Variants in TMEM70 observed in about 807,000 individuals in gnomAD.
The protein encoded by TMEM70 is transmembrane protein 70.
A neutral mutation model predicts 20.5 loss-of-function variants in TMEM70; 15 were observed. The ratio of observed to expected loss-of-function variants is 0.73; its 90% CI spans 0.49 to 1.13. The LOEUF is 1.13. Among genes scored for constraint, TMEM70 ranks in the 50% most tolerant of loss-of-function variants. TMEM70 has a pLI of 0.00. For synonymous variants in TMEM70, 141 were observed against 134.2 expected (o/e 1.05, Z -0.35); for missense variants, 344 against 331.7 (o/e 1.04, Z -0.29).
intron 1 of TMEM70, among the ~76,000 whole-genome samples, chr8:73,978,500 G>A (rs1815707788): frequency 6.9e-6 from 1 of 145,050 alleles, no homozygotes; most frequent in Non-Finnish European, 1.5e-5. Context: ...GACCAGTCTG[G>A]CCAACATGGT....
At chr8:73,978,400 A>G (rs1036838870) in intron 1 of TMEM70, among the ~76,000 whole-genome samples, 4 of 150,568 alleles carry the variant, frequency 2.7e-5, no homozygotes, top group Non-Finnish European at 5.9e-5. Context: ...AATTTTAAAA[A>G]TAAACTTAAG....
rs778710306 is a variant in TMEM70, at chr8:73,976,219, G to A, written c.-63G>A. ...CACTTGTGCGGCAGTCGGGTGGGAA[G>A]CCGTGTCTCGCAGTCGTGGACTCGT... is the stretch of plus-strand genomic sequence containing the variant. On this transcript the variant is annotated 5_prime_UTR_variant, in exon 1 of 3. Coordinates refer to ENST00000312184, the MANE Select transcript of TMEM70 (RefSeq NM_017866.6). The A allele has an allele frequency of 6.8e-6, 10 of 1,472,022 alleles. No homozygotes were observed. The East Asian group carries it at 1.4e-4, about 21-fold the overall frequency. The allele number at this position is 1,472,022 out of a possible 1,614,324, so 91.2% of individuals were successfully genotyped here.
At chr8:73,976,513 G>A in intron 1 of TMEM70, 22 bp downstream of exon 1, 1 of 1,500,456 alleles carries the variant, frequency 6.7e-7, no homozygotes, top group Non-Finnish European at 8.9e-7. Context: ...GAGGTCTGGT[G>A]TCCCAAGTGA....
rs1468572413 is a variant in TMEM70 at position 73,981,541 on chromosome 8, C to T, written c.703C>T (p.Leu235=). 1.2e-6 allele frequency: 2 copies of T among 1,613,790 alleles called. No homozygotes were observed. The highest frequency in any genetic ancestry group is 1.7e-6 in the Non-Finnish European group (2 of 1,179,860). ...TCCAAACCGTGAAGACTATATCCAT[C>T]TAATGGGTTATGACAAAGAAGAATT... ...LFPNREDYIH[L]MGYDKEEFIL... Residue 235 remains leucine (L), a synonymous_variant, in exon 3 of 3, where the codon CTA becomes TTA. Coordinates refer to ENST00000312184, the MANE Select transcript of TMEM70 (RefSeq NM_017866.6).
chr8:73,976,577 G>A (rs1815654499), intron 1 of TMEM70, 86 bp downstream of exon 1: 3 of 1,314,708 alleles, frequency 2.3e-6, no homozygotes, highest in Non-Finnish European at 3.0e-6. Context: ...GGCTCTTCGC[G>A]ACCTCTCCCA....
chr8:73,978,585 G>C (rs1022128445), intron 1 of TMEM70, among the ~76,000 whole-genome samples, 171 bp from the exon 2 acceptor site: 1 of 151,560 alleles, frequency 6.6e-6, no homozygotes, highest in Non-Finnish European at 1.5e-5. Flanking sequence ...AGCTACTCAG[G>C]AGACTGAGGC....
intron 2 of TMEM70, 128 bp downstream of exon 2, chr8:73,978,989 AT>A (rs1265367537): frequency 9.3e-5 from 111 of 1,193,166 alleles, no homozygotes; most frequent in Non-Finnish European, 1.1e-4. Flanking sequence ...TTAGATTTTC[AT>A]TTTTTTTTCT....
In TMEM70 at chr8:73,976,383, C is replaced by A; in HGVS notation, c.102C>A (p.Ala34=). The change falls in exon 1 of 3, where the codon GCC becomes GCA. Residue 34 remains alanine, a synonymous_variant. Coordinates refer to ENST00000312184, the MANE Select transcript of TMEM70 (RefSeq NM_017866.6). ...CCGCCGCGCTCCGAGGTCCCCGGGCCTCTGTCTCCCGGGCGTCCTCCAGCA... is the reference window on the plus strand; with the variant it reads ...CCGCCGCGCTCCGAGGTCCCCGGGCATCTGTCTCCCGGGCGTCCTCCAGCA... ...CAAAALRGPR[A]SVSRASSSSG... is the part of the protein sequence containing the mutation. The A allele has an allele frequency of 6.3e-7, 1 of 1,594,706 alleles. No individual in the cohort carries two copies. Among genetic ancestry groups the A allele is most frequent in the South Asian group, 1.1e-5 (1 of 89,988 alleles).
intron 1 of TMEM70, 155 bp from the exon 2 acceptor site, chr8:73,978,601 A>G (rs1815710986): frequency 5.8e-6 from 4 of 684,406 alleles, no homozygotes; most frequent in South Asian, 3.6e-5. Flanking sequence ...GAGGCAGGAG[A>G]ATTGCTTGAA....
intron 2 of TMEM70, 181 bp downstream of exon 2, chr8:73,979,042 A>ATTTT: frequency 1.3e-6 from 1 of 766,614 alleles, no homozygotes; most frequent in African/African-American, 1.8e-5. Flanking sequence ...GCATTTTTAG[A>ATTTT]TTTTTATTTG....
rs1024317266 is a variant in TMEM70, at chr8:73,978,744, C to T, written c.211-12C>T. On this transcript the variant is annotated splice_polypyrimidine_tract_variant and intron_variant, in intron 1 of 2. Transcript: ENST00000312184. The stretch of plus-strand genomic sequence containing the variant: ...GAAGGTTAGTTGACCATAATGATCC[C>T]TGTTTCAATAGATCCCTGTTTATTG... The T allele has an allele frequency of 3.7e-6, 6 of 1,613,588 alleles. No individual in the cohort carries two copies. Among genetic ancestry groups the T allele is most frequent in the East Asian group, 2.2e-5 (1 of 44,830 alleles).
At chr8:73,980,374 GT>G (rs1388211351) in intron 2 of TMEM70, among the ~76,000 whole-genome samples, 64 of 145,352 alleles carry the variant, frequency 4.4e-4, no homozygotes, top group African/African-American at 6.2e-4. Flanking sequence ...ATATGTTTCT[GT>G]TTTTTTTTTT....
Position 73,982,663 on chromosome 8 carries a change from A to G in TMEM70, c.*1042A>G. The stretch of plus-strand genomic sequence containing the variant: ...TACAGTTGAACTGGTGGTTAGCTAT[A>G]CGGGAAATGGTAAGTAGTGTTGTCT... On this transcript the variant is annotated 3_prime_UTR_variant, in exon 3 of 3. Coordinates refer to ENST00000312184, the MANE Select transcript of TMEM70 (RefSeq NM_017866.6). The G allele has an allele frequency of 2.2e-6, 1 of 464,534 alleles. No individual in the cohort carries two copies. The allele number at this position is 464,534 out of a possible 1,614,324, so 28.8% of individuals were successfully genotyped here. A position where few individuals can be genotyped will look rare whatever the true frequency, so the allele number is the denominator to read the frequency against.
rs746272027 is a variant in TMEM70 at position 73,981,597 on chromosome 8, G to A, written c.759G>A (p.Glu253=). 8.7e-6 allele frequency: 14 copies of A among 1,609,456 alleles called. No homozygotes were observed. The highest frequency in any genetic ancestry group is 1.1e-5 in the Non-Finnish European group (13 of 1,177,736). The part of the protein sequence containing the change: ...FILYMEETSE[E]KRHKDDK ...TGTATATGGAAGAAACCAGTGAAGAGAAACGGCATAAAGATGACAAATGAG... is the reference window on the plus strand; with the variant it reads ...TGTATATGGAAGAAACCAGTGAAGAAAAACGGCATAAAGATGACAAATGAG... The change falls in exon 3 of 3, where the codon GAG becomes GAA. Residue 253 remains glutamate, a synonymous_variant. Transcript: ENST00000312184.
intron 1 of TMEM70, among the ~76,000 whole-genome samples, chr8:73,978,472 T>G (rs1280992534): frequency 6.7e-6 from 1 of 150,260 alleles, no homozygotes; most frequent in Non-Finnish European, 1.5e-5. Flanking sequence ...GGCAGATCAC[T>G]TGAGGTCAAG....
chr8:73,982,335 G>T lies in TMEM70; in HGVS notation c.*714G>T. 1.5e-6 allele frequency: 1 copy of T among 682,194 alleles called. No homozygotes were observed. Among genetic ancestry groups the T allele is most frequent in the Admixed American group, 1.8e-5 (1 of 56,088 alleles). The allele number at this position is 682,194 out of a possible 1,614,324, so 42.3% of individuals were successfully genotyped here. On this transcript the variant is annotated 3_prime_UTR_variant, in exon 3 of 3. Transcript: ENST00000312184. ...ACTACAAGAAAAACTTACGGTGAAG[G>T]TTCTAAGGCATGGGATCGTTTCCAG...
chr8:73,976,333 G>A lies in TMEM70; in HGVS notation c.52G>A (p.Gly18Arg). 6.2e-7 allele frequency: 1 copy of A among 1,600,744 alleles called. No individual in the cohort carries two copies. Among genetic ancestry groups the A allele is most frequent in the Non-Finnish European group, 8.5e-7 (1 of 1,179,616 alleles). ...SPWAVELPLC[G>R]RRTALCAAAA... ...GTGGGCGGTCGAACTGCCTCTCTGC[G>A]GAAGGAGGACTGCATTGTGTGCGGC... is the stretch of plus-strand genomic sequence containing the variant. Residue 18 changes from glycine to arginine, a missense_variant, in exon 1 of 3, where the codon GGA becomes AGA. Coordinates refer to ENST00000312184, the MANE Select transcript of TMEM70 (RefSeq NM_017866.6).
At position 73,981,382 on chromosome 8, in the gene TMEM70, A is replaced by G; in HGVS notation, c.544A>G (p.Ile182Val). The change falls in exon 3 of 3, where the codon ATT becomes GTT. Residue 182 changes from isoleucine (I) to valine (V), a missense_variant. By Grantham distance (29) the Ile-to-Val change is conservative. Coordinates refer to ENST00000312184, the MANE Select transcript of TMEM70 (RefSeq NM_017866.6). The part of the protein sequence containing the change: ...HEATTDTYKA[I>V]TYNAMLAETS... The stretch of plus-strand genomic sequence containing the variant: ...GGCCACAACAGACACTTATAAAGCC[A>G]TTACCTACAATGCTATGCTTGCAGA... 2 of 1,614,238 alleles carry G rather than the reference A, an allele frequency of 1.2e-6. No homozygotes were observed. The highest frequency in any genetic ancestry group is 8.5e-7 in the Non-Finnish European group (1 of 1,180,046).
chr8:73,980,667 C>T (rs1286042469), intron 2 of TMEM70, among the ~76,000 whole-genome samples: 5 of 152,196 alleles, frequency 3.3e-5, no homozygotes, highest in Non-Finnish European at 5.9e-5. Flanking sequence ...TGCGCCTGGC[C>T]GTCCGATATG....
Sources: allele counts gnomAD v4.1 joint callset (sites outside exome capture counted in the v4.1 genomes callset), GRCh38; gene constraint gnomAD v4.1.1; transcripts MANE v1.5; gene names NCBI Gene and HGNC (gene_info 2026-07-23, HGNC 2026-07-21).